Variants in CSRNP3 observed in about 807,000 individuals in gnomAD.
The protein encoded by CSRNP3 is cysteine and serine rich nuclear protein 3.
Under a neutral mutation model 48.0 loss-of-function variants are expected in CSRNP3, and 12 were observed. The ratio of observed to expected loss-of-function variants is 0.25; its 90% CI spans 0.16 to 0.41. CSRNP3 has a LOEUF of 0.41. Ranked by LOEUF, CSRNP3 falls within the 10% of genes least tolerant of loss-of-function variation. The pLI is 1.00. For missense variants in CSRNP3, 580 were observed against 724.4 expected (o/e 0.80, Z 2.29); for synonymous variants, 263 against 269.7 (o/e 0.98, Z 0.24).
chr2:165,512,880 G>A (rs1175238443), intron 2 of CSRNP3, among the ~76,000 whole-genome samples: 1 of 152,206 alleles, frequency 6.6e-6, no homozygotes. Flanking sequence ...CAAGGAGGGA[G>A]GATCACAAGG....
chr2:165,575,396 A>C (rs137861033), intron 3 of CSRNP3, among the ~76,000 whole-genome samples: 1 of 137,902 alleles, frequency 7.3e-6, no homozygotes, highest in East Asian at 2.1e-4. Context: ...TGTTATTTTC[A>C]TTTGCATCAA....
chr2:165,626,101 T>G (rs1175264812), intron 4 of CSRNP3, among the ~76,000 whole-genome samples: 2 of 151,142 alleles, frequency 1.3e-5, no homozygotes, highest in African/African-American at 4.9e-5. Context: ...TGGGTGCCTA[T>G]AATCCCAGCT....
chr2:165,513,585 A>G (rs1427540818), intron 2 of CSRNP3, among the ~76,000 whole-genome samples: 1 of 152,216 alleles, frequency 6.6e-6, no homozygotes, highest in African/African-American at 2.4e-5. Flanking sequence ...TCTATTAAAA[A>G]TATTACAAGC....
chr2:165,530,678 C>T (rs1249074861), intron 3 of CSRNP3, among the ~76,000 whole-genome samples: 1 of 151,910 alleles, frequency 6.6e-6, no homozygotes, highest in Non-Finnish European at 1.5e-5. Context: ...TATAATAGTC[C>T]TATCTTTTCT....
intron 2 of CSRNP3, among the ~76,000 whole-genome samples, chr2:165,500,885 T>G (rs114668482): frequency 0.016 from 2,406 of 152,250 alleles, 59 homozygotes; most frequent in African/African-American, 0.054. Context: ...TGGTTTGGAA[T>G]AAATCATGGA....
chr2:165,515,321 CAAA>C (rs373110199), intron 2 of CSRNP3, among the ~76,000 whole-genome samples: 13 of 100,838 alleles, frequency 1.3e-4, no homozygotes, highest in African/African-American at 1.8e-4. Context: ...GACTCCATCT[CAAA>C]AAAAAAAAAA....
At position 165,526,426 on chromosome 2, in the gene CSRNP3, A is replaced by T. The variant is rs148998410; in HGVS notation, c.-24+8465A>T. Among the ~76,000 whole-genome samples, 574 of 152,332 alleles carry T rather than the reference A, an allele frequency of 3.8e-3. 3 individuals carry two copies. Among genetic ancestry groups the T allele is most frequent in the Admixed American group, 6.0e-3 (92 of 15,292 alleles). On this transcript the variant is annotated intron_variant, in intron 3 of 6. Transcript: ENST00000651982. ...TTACTAGATATCATTAAAAATAAAT[A>T]TGAATCTCATTAGGATAATTGGCAA...
intron 4 of CSRNP3, among the ~76,000 whole-genome samples, chr2:165,610,996 C>T (rs1271057308): frequency 1.3e-5 from 2 of 151,976 alleles, no homozygotes; most frequent in Non-Finnish European, 2.9e-5. Flanking sequence ...TGAGTAAAGA[C>T]CAAGGCAGAT....
chr2:165,500,370 T>C (rs1374070866), intron 2 of CSRNP3, among the ~76,000 whole-genome samples: 3 of 150,156 alleles, frequency 2.0e-5, no homozygotes, highest in Non-Finnish European at 4.4e-5. Flanking sequence ...CATACATATA[T>C]GTATATGCGT....
At chr2:165,504,387 G>A (rs1391170039) in intron 2 of CSRNP3, among the ~76,000 whole-genome samples, 1 of 152,046 alleles carries the variant, frequency 6.6e-6, no homozygotes, top group African/African-American at 2.4e-5. Flanking sequence ...TAAGGAAACT[G>A]AGATGCAAAG....
At chr2:165,546,998 A>G (rs1452717062) in intron 3 of CSRNP3, among the ~76,000 whole-genome samples, 1 of 152,188 alleles carries the variant, frequency 6.6e-6, no homozygotes, top group Non-Finnish European at 1.5e-5. Context: ...TATTAAGCAA[A>G]AAGTGAGTTT....
intron 4 of CSRNP3, among the ~76,000 whole-genome samples, chr2:165,642,608 G>C (rs1686742163): frequency 6.6e-6 from 1 of 151,072 alleles, no homozygotes; most frequent in South Asian, 2.1e-4. Context: ...TGTTGCCCAG[G>C]CTGGAGTGCA....
intron 3 of CSRNP3, among the ~76,000 whole-genome samples, chr2:165,522,156 G>T (rs930644874): frequency 2.6e-5 from 4 of 152,100 alleles, no homozygotes; most frequent in African/African-American, 9.7e-5. Context: ...GCTGGGTGCA[G>T]TGGTGTGTGT....
intron 4 of CSRNP3, among the ~76,000 whole-genome samples, chr2:165,627,026 G>A (rs901776993): frequency 2.0e-5 from 3 of 152,118 alleles, no homozygotes; most frequent in Non-Finnish European, 4.4e-5. Context: ...GAGAAGGTTA[G>A]TTCTTGATGG....
chr2:165,535,062 G>A (rs1020760047), intron 3 of CSRNP3, among the ~76,000 whole-genome samples: 9 of 151,674 alleles, frequency 5.9e-5, no homozygotes, highest in African/African-American at 2.2e-4. Flanking sequence ...AAGAATAATG[G>A]TATGTAATAT....
intron 2 of CSRNP3, among the ~76,000 whole-genome samples, chr2:165,501,801 G>C (rs550376628): frequency 6.6e-6 from 1 of 151,960 alleles, no homozygotes; most frequent in South Asian, 2.1e-4. Context: ...ATACAATTAG[G>C]GTCTCCTTCA....
chr2:165,507,392 A>T (rs1316770559), intron 2 of CSRNP3, among the ~76,000 whole-genome samples: 2 of 152,162 alleles, frequency 1.3e-5, no homozygotes, highest in Non-Finnish European at 2.9e-5. Context: ...TTATTACATC[A>T]TCATGCCACT....
In CSRNP3 at chr2:165,657,374, T is replaced by A. The variant is rs142535109; in HGVS notation, c.149-387T>A. Among the ~76,000 whole-genome samples the A allele has an allele frequency of 2.0e-4, 31 of 152,278 alleles. No individual in the cohort carries two copies. In the East Asian group the frequency reaches 6.0e-3, roughly 29 times the overall value. On this transcript the variant is annotated intron_variant, in intron 4 of 6. Coordinates refer to ENST00000651982, the MANE Select transcript of CSRNP3 (RefSeq NM_001172173.2). ...GGTATGTATAGGAAAAAACATAGTA[T>A]ATACAGGGCTCAATACTGTCCGTGA...
chr2:165,533,258 T>C (rs899804968), intron 3 of CSRNP3, among the ~76,000 whole-genome samples: 11 of 152,036 alleles, frequency 7.2e-5, no homozygotes, highest in African/African-American at 2.7e-4. Flanking sequence ...TTTAAGTCAC[T>C]GAAGAAAAAA....
Sources: gnomAD v4.1 joint callset for allele counts (sites outside exome capture counted in the v4.1 genomes callset) on GRCh38, gnomAD v4.1.1 for gene constraint, MANE v1.5 for transcripts, NCBI Gene and HGNC (gene_info 2026-07-23, HGNC 2026-07-21) for gene names.